ATRX: variants seen among roughly 807,000 people sequenced by gnomAD.
ATRX encodes the protein ATRX chromatin remodeler.
ATRX carries 12 observed loss-of-function variants against 172.6 expected under a neutral mutation model. The observed-to-expected ratio is 0.07, with a 90% CI of 0.04 to 0.11. The LOEUF (loss-of-function observed/expected upper bound fraction) is 0.11. Among genes scored for constraint, ATRX ranks in the 10% least tolerant of loss-of-function variants. ATRX has a pLI of 1.00. For missense variants in ATRX, 1,368 were observed against 1,767.4 expected (o/e 0.77, Z 4.05); for synonymous variants, 674 against 594.7 (o/e 1.13, Z -1.94).
At position 77,647,461 on chromosome X, in the gene ATRX, G is replaced by C. The variant is rs782097532; in HGVS notation, c.4557+4653C>G. Among the ~76,000 whole-genome samples, 21 of 111,803 alleles carry C rather than the reference G, an allele frequency of 1.9e-4. No individual in the cohort carries two copies. The South Asian group carries it at 7.0e-3, about 37-fold the overall frequency. Reference sequence around the variant, plus strand: ...GGTTGATGGATGCATAGATAAGACAGATATGTAATAAAGCAAATACAGCAA... The same window carrying C: ...GGTTGATGGATGCATAGATAAGACACATATGTAATAAAGCAAATACAGCAA... On this transcript the variant is annotated intron_variant, in intron 15 of 34. Coordinates refer to ENST00000373344, the MANE Select transcript of ATRX (RefSeq NM_000489.6).
chrX:77,683,570 T>C lies in ATRX; in HGVS notation c.1686A>G (p.Lys562=), dbSNP rs2148616917. 1 of 1,210,830 alleles carries C rather than the reference T, an allele frequency of 8.3e-7. No homozygotes were observed. The highest frequency in any genetic ancestry group is 1.1e-6 in the Non-Finnish European group (1 of 894,995). Residue 562 remains lysine (K), a synonymous_variant, in exon 9 of 35, where the codon AAA becomes AAG. Coordinates refer to ENST00000373344, the MANE Select transcript of ATRX (RefSeq NM_000489.6). ...TGTTGTCTTTTGAAGAAATATTTAA[T>C]TTTACAGATGAACTCTCCACTTCTT... The part of the protein sequence containing the change: ...TEQEVESSSV[K]LNISSKDNRG...
intron 19 of ATRX, among the ~76,000 whole-genome samples, chrX:77,628,844 A>G (rs1257387716): frequency 5.4e-5 from 6 of 111,868 alleles, no homozygotes; most frequent in Non-Finnish European, 3.8e-5. Context: ...CCCAGCCTCA[A>G]GCAATCCTCC....
intron 27 of ATRX, among the ~76,000 whole-genome samples, chrX:77,585,622 A>G (rs1688298436): frequency 1.1e-5 from 1 of 90,919 alleles, no homozygotes; most frequent in African/African-American, 4.1e-5. Flanking sequence ...AAAAAAAAAA[A>G]AGGATCCAGC....
chrX:77,711,926 AG>A (rs1319344072), intron 2 of ATRX, among the ~76,000 whole-genome samples: 1 of 112,313 alleles, frequency 8.9e-6, no homozygotes, highest in African/African-American at 3.2e-5. Context: ...AACAACTCAA[AG>A]CTTTTGTTCT....
rs139948612 is a variant in ATRX at position 77,506,897 on chromosome X, C to CTTTTTTTT, written c.*1446_*1453dup. The CTTTTTTTT allele has an allele frequency of 5.5e-4, 33 of 60,047 alleles. No homozygotes were observed. The highest frequency in any genetic ancestry group is 8.2e-4 in the Admixed American group (3 of 3,655). The allele number at this position is 60,047 out of a possible 1,213,427, so 4.9% of individuals were successfully genotyped here. A position where few individuals can be genotyped will look rare whatever the true frequency, so the allele number is the denominator to read the frequency against. ...TAAAGCAAAGCCCAAACCCAGTTTT[C>CTTTTTTTT]TTTTTTTTTTTTTTTTTTTTTTTTT... On this transcript the variant is annotated 3_prime_UTR_variant, in exon 35 of 35. Transcript: ENST00000373344.
intron 30 of ATRX, among the ~76,000 whole-genome samples, chrX:77,539,785 C>G (rs1361548200): frequency 8.9e-6 from 1 of 111,844 alleles, no homozygotes. Flanking sequence ...TTGTCACCAC[C>G]AGGCCTGCCT....
chrX:77,561,631 C>T (rs2147965230), intron 28 of ATRX: 1 of 110,955 alleles, frequency 9.0e-6, no homozygotes, highest in Admixed American at 9.6e-5. Flanking sequence ...GTAGTTATTC[C>T]AATTCATATT....
chrX:77,648,157 G>T (rs781947325), intron 15 of ATRX, among the ~76,000 whole-genome samples: 2 of 111,412 alleles, frequency 1.8e-5, no homozygotes, highest in Non-Finnish European at 3.8e-5. Flanking sequence ...AGACCTACAA[G>T]GAGAAAGAGA....
At chrX:77,566,509 T>C (rs781864555) in intron 28 of ATRX, among the ~76,000 whole-genome samples, 4 of 112,213 alleles carry the variant, frequency 3.6e-5, no homozygotes, top group South Asian at 7.4e-4. Context: ...TCCCAGCACA[T>C]TGGGAGGCCA....
At chrX:77,510,222 T>A (rs781897675) in intron 34 of ATRX, among the ~76,000 whole-genome samples, 65 of 111,317 alleles carry the variant, frequency 5.8e-4, no homozygotes, top group Non-Finnish European at 1.1e-3. Flanking sequence ...AGGAAATGAC[T>A]CAATCCTGAC....
chrX:77,575,356 A>AT (rs1208053820), intron 27 of ATRX, among the ~76,000 whole-genome samples: 14 of 108,863 alleles, frequency 1.3e-4, no homozygotes, highest in South Asian at 1.2e-3. Context: ...TTTATTTATG[A>AT]TTTTTTTTTC....
At chrX:77,709,941 T>A (rs1215023424) in intron 2 of ATRX, among the ~76,000 whole-genome samples, 1 of 111,860 alleles carries the variant, frequency 8.9e-6, no homozygotes, top group Non-Finnish European at 1.9e-5. Context: ...ACCACCAGCT[T>A]TAATTGTAAC....
intron 19 of ATRX, among the ~76,000 whole-genome samples, chrX:77,623,248 AAC>A (rs1448032251): frequency 8.9e-6 from 1 of 111,734 alleles, no homozygotes; most frequent in Non-Finnish European, 1.9e-5. Flanking sequence ...ACACCACTGA[AAC>A]ACAAAAGATC....
intron 34 of ATRX, among the ~76,000 whole-genome samples, chrX:77,517,114 G>A (rs782805274): frequency 1.8e-5 from 2 of 108,950 alleles, no homozygotes; most frequent in African/African-American, 6.7e-5. Context: ...CTCTAAGTGC[G>A]TGCATCAGAA....
intron 34 of ATRX, among the ~76,000 whole-genome samples, chrX:77,515,257 T>A (rs1557038635): frequency 9.0e-6 from 1 of 111,579 alleles, no homozygotes; most frequent in Non-Finnish European, 1.9e-5. Context: ...GGGTATAAAT[T>A]CAAAGGAACA....
intron 28 of ATRX, among the ~76,000 whole-genome samples, chrX:77,562,788 C>T (rs2065063623): frequency 1.8e-5 from 2 of 111,984 alleles, no homozygotes; most frequent in African/African-American, 6.5e-5. Context: ...CTCAAGTGAT[C>T]CTCTCACCTC....
At chrX:77,530,842 T>TA (rs1272787042) in intron 30 of ATRX, among the ~76,000 whole-genome samples, 4 of 110,088 alleles carry the variant, frequency 3.6e-5, no homozygotes, top group Non-Finnish European at 7.6e-5. Context: ...AGTGGTTTCT[T>TA]AAAAAAATTA....
intron 6 of ATRX, among the ~76,000 whole-genome samples, chrX:77,692,247 T>A (rs2071933383): frequency 1.8e-5 from 2 of 111,609 alleles, no homozygotes; most frequent in Non-Finnish European, 3.8e-5. Context: ...CTCTTACTAC[T>A]GATCTTTACC....
intron 26 of ATRX, 40 bp from the exon 27 acceptor site, chrX:77,589,980 T>C (rs782775565): frequency 8.4e-5 from 86 of 1,020,127 alleles, no homozygotes; most frequent in Non-Finnish European, 1.2e-4. Flanking sequence ...AGAAGATTCC[T>C]AGTAAAGATA....
Sources: allele counts gnomAD v4.1 joint callset (sites outside exome capture counted in the v4.1 genomes callset), GRCh38; gene constraint gnomAD v4.1.1; transcripts MANE v1.5; gene names NCBI Gene and HGNC (gene_info 2026-07-23, HGNC 2026-07-21).